The following IKZF1 variants were observed in gnomAD, a reference collection of about 807,000 sequenced individuals.
The protein encoded by IKZF1 is IKAROS family zinc finger 1, also known as DNA-binding protein Ikaros.
IKZF1 carries 10 observed loss-of-function variants against 51.7 expected under a neutral mutation model. The observed-to-expected ratio is 0.19, with a 90% CI of 0.12 to 0.33. The LOEUF is 0.33. Among genes scored for constraint, IKZF1 ranks in the 10% least tolerant of loss-of-function variants. IKZF1 has a pLI of 1.00. For missense variants in IKZF1, 484 were observed against 707.5 expected (o/e 0.68, Z 3.58); for synonymous variants, 280 against 282.3 (o/e 0.99, Z 0.08).
chr7:50,371,611 C>A (rs1808701536), intron 3 of IKZF1, among the ~76,000 whole-genome samples: 1 of 152,260 alleles, frequency 6.6e-6, no homozygotes, highest in Admixed American at 6.5e-5. Context: ...CCTTCCATCA[C>A]TGGAAACCCC....
At chr7:50,325,770 G>A (rs144610266) in intron 2 of IKZF1, among the ~76,000 whole-genome samples, 2,163 of 150,196 alleles carry the variant, frequency 0.014, 27 homozygotes, top group Middle Eastern at 0.071. Context: ...GCAAGACTCT[G>A]TCTCGAAAAA....
chr7:50,342,484 G>A (rs972888729), intron 3 of IKZF1, among the ~76,000 whole-genome samples: 2 of 152,106 alleles, frequency 1.3e-5, no homozygotes, highest in African/African-American at 4.8e-5. Flanking sequence ...CCCAGAGAGC[G>A]CCCTTGAGGA....
intron 7 of IKZF1, chr7:50,394,455 A>G (rs1816104873): frequency 4.3e-6 from 1 of 233,156 alleles, no homozygotes; most frequent in East Asian, 6.0e-5. Context: ...TTATCACACA[A>G]GCTGGCCCAA....
At chr7:50,336,985 TAGAA>T (rs1242051092) in intron 3 of IKZF1, among the ~76,000 whole-genome samples, 2 of 152,130 alleles carry the variant, frequency 1.3e-5, no homozygotes, top group Non-Finnish European at 2.9e-5. Flanking sequence ...GTAAAATTTC[TAGAA>T]AGAAACATGG....
intron 3 of IKZF1, among the ~76,000 whole-genome samples, chr7:50,370,691 G>T (rs1188899226): frequency 6.6e-6 from 1 of 152,190 alleles, no homozygotes; most frequent in Non-Finnish European, 1.5e-5. Flanking sequence ...TTGGGCTCTT[G>T]TCCATTATCT....
intron 3 of IKZF1, among the ~76,000 whole-genome samples, chr7:50,363,223 C>T (rs1030448484): frequency 6.6e-6 from 1 of 152,054 alleles, no homozygotes; most frequent in African/African-American, 2.4e-5. Context: ...AGGATCAAGC[C>T]CTGGTGGAGC....
intron 2 of IKZF1, among the ~76,000 whole-genome samples, chr7:50,322,562 G>A (rs1264012844): frequency 6.6e-6 from 1 of 152,166 alleles, no homozygotes; most frequent in Non-Finnish European, 1.5e-5. Context: ...TAGACTTGGA[G>A]GAGAGCATAT....
In IKZF1 at chr7:50,387,419, C is replaced by T. The variant is rs2153488121; in HGVS notation, c.664C>T (p.Arg222Cys). The change falls in exon 6 of 8, where the codon CGC becomes TGC. Residue 222 changes from arginine (R) to cysteine (C), a missense_variant. Arg to Cys is a radical substitution (Grantham distance 180). Transcript: ENST00000331340. ...AAGCTCTTTAGAGGAACATAAAGAG[C>T]GCTGCCACAACTACTTGGAAAGCAT... ...QRSSLEEHKE[R>C]CHNYLESMGL... is the part of the protein sequence containing the mutation. 1.2e-6 allele frequency: 2 copies of T among 1,612,880 alleles called. No individual in the cohort carries two copies. Among genetic ancestry groups the T allele is most frequent in the Non-Finnish European group, 1.7e-6 (2 of 1,179,438 alleles).
chr7:50,319,540 C>T (rs571065595), intron 2 of IKZF1, among the ~76,000 whole-genome samples: 14 of 152,144 alleles, frequency 9.2e-5, no homozygotes, highest in Middle Eastern at 3.4e-3. Flanking sequence ...CTTTTCAAGC[C>T]GTATTGGATA....
chr7:50,347,856 C>T (rs950406830), intron 3 of IKZF1, among the ~76,000 whole-genome samples: 4 of 152,160 alleles, frequency 2.6e-5, no homozygotes, highest in African/African-American at 9.7e-5. Context: ...AAGTGTGCTT[C>T]GTGAGAATAG....
rs775004468 is a variant in IKZF1, at chr7:50,376,635, C to T, written c.263C>T (p.Ser88Leu). The change falls in exon 4 of 8, where the codon TCG (serine) becomes TTG (leucine). Residue 88 changes from serine to leucine, a missense_variant. Physicochemically the swap from Ser to Leu is moderately radical, Grantham distance 145 (BLOSUM62 -2). Coordinates refer to ENST00000331340, the MANE Select transcript of IKZF1 (RefSeq NM_006060.6). The surrounding 1 kb of genome is among the most constrained non-coding windows in gnomAD (Gnocchi z 4.5). ...GAGGATTTACGAATGCTTGATGCCT[C>T]GGGAGAGAAAATGAATGGCTCCCAC... The part of the protein sequence containing the change: ...CAEDLRMLDA[S>L]GEKMNGSHRD... The T allele has an allele frequency of 6.2e-7, 1 of 1,613,944 alleles. No individual in the cohort carries two copies.
At chr7:50,362,347 G>A (rs534671411) in intron 3 of IKZF1, among the ~76,000 whole-genome samples, 42 of 152,364 alleles carry the variant, frequency 2.8e-4, no homozygotes, top group African/African-American at 9.4e-4. Flanking sequence ...TCTGCCAGGG[G>A]CATTTGGAGC....
chr7:50,355,938 C>T (rs1309228383), intron 3 of IKZF1, among the ~76,000 whole-genome samples: 1 of 152,228 alleles, frequency 6.6e-6, no homozygotes, highest in Non-Finnish European at 1.5e-5. Context: ...TTCTCAGCAA[C>T]TTCCACGCTC....
At chr7:50,389,998 G>A (rs1814569834) in intron 6 of IKZF1, among the ~76,000 whole-genome samples, 1 of 152,188 alleles carries the variant, frequency 6.6e-6, no homozygotes, top group South Asian at 2.1e-4. Flanking sequence ...ATGAATTTTT[G>A]TGAATATAAT....
Position 50,345,141 on chromosome 7 carries a change from G to C in IKZF1, c.160+17384G>C, listed in dbSNP as rs1006280088. Among the ~76,000 whole-genome samples, 3 of 151,912 alleles carry C rather than the reference G, an allele frequency of 2.0e-5. No individual in the cohort carries two copies. The East Asian group carries it at 5.8e-4, about 29-fold the overall frequency. ...CTCTGGTCTTCTCCCAGCCCATAGGGTATAAATAATCTGAATTGACGGCAT... is the reference window on the plus strand; with the variant it reads ...CTCTGGTCTTCTCCCAGCCCATAGGCTATAAATAATCTGAATTGACGGCAT... On this transcript the variant is annotated intron_variant, in intron 3 of 7. Transcript: ENST00000331340.
At chr7:50,341,276 T>C (rs1394260777) in intron 3 of IKZF1, among the ~76,000 whole-genome samples, 1 of 151,706 alleles carries the variant, frequency 6.6e-6, no homozygotes, top group Non-Finnish European at 1.5e-5. Context: ...CCCAAGCAGC[T>C]GGGATTACAC....
chr7:50,320,292 T>G (rs1219635524), intron 2 of IKZF1, among the ~76,000 whole-genome samples: 1 of 152,222 alleles, frequency 6.6e-6, no homozygotes, highest in African/African-American at 2.4e-5. Flanking sequence ...ATTTTTAATT[T>G]TTTTAATCGT....
At chr7:50,334,207 T>A (rs1797033247) in intron 3 of IKZF1, among the ~76,000 whole-genome samples, 1 of 152,254 alleles carries the variant, frequency 6.6e-6, no homozygotes, top group South Asian at 2.1e-4. Context: ...AAGTGACTTT[T>A]GTGCTATATC....
At chr7:50,347,959 G>A (rs1055450772) in intron 3 of IKZF1, among the ~76,000 whole-genome samples, 7 of 152,252 alleles carry the variant, frequency 4.6e-5, no homozygotes, top group Admixed American at 2.6e-4. Context: ...CCATTTCCCC[G>A]ACTCATACCA....
Sources: gnomAD v4.1 joint callset for allele counts (sites outside exome capture counted in the v4.1 genomes callset) on GRCh38, gnomAD v4.1.1 for gene constraint, Gnocchi (gnomAD v3.1) non-coding constraint, MANE v1.5 for transcripts, NCBI Gene and HGNC (gene_info 2026-07-23, HGNC 2026-07-21) for gene names.